Variants in GSTA3 observed in about 807,000 individuals in gnomAD.
The protein encoded by GSTA3 is glutathione S-transferase A3.
In GSTA3, 16 loss-of-function variants were observed where a neutral mutation model predicts 23.1. That is an observed-to-expected ratio of 0.69 (90% confidence interval 0.47 to 1.05). The LOEUF (loss-of-function observed/expected upper bound fraction) is 1.05. Among genes scored for constraint, GSTA3 ranks in the 50% least tolerant of loss-of-function variants. GSTA3 has a pLI of 0.00. For missense variants in GSTA3, 319 were observed against 263.6 expected, an observed-to-expected ratio of 1.21 and a Z score of -1.46; for synonymous variants, 122 against 91.0, an observed-to-expected ratio of 1.34 and a Z score of -1.94.
Position 52,900,090 on chromosome 6 carries a change from C to G in GSTA3, c.273-15G>C. On this transcript the variant is annotated splice_polypyrimidine_tract_variant and intron_variant, in intron 4 of 6. Transcript: ENST00000211122. ...ACATATCAATTCTGAAAGACAAAAA[C>G]AGCCAAAGCATCAAATGCCTCTTGC... 6.3e-7 allele frequency: 1 copy of G among 1,591,744 alleles called. No homozygotes were observed. Among genetic ancestry groups the G allele is most frequent in the Non-Finnish European group, 8.5e-7 (1 of 1,171,426 alleles).
chr6:52,901,674 T>G (rs934586975), intron 4 of GSTA3, among the ~76,000 whole-genome samples: 2 of 152,250 alleles, frequency 1.3e-5, no homozygotes, highest in Non-Finnish European at 2.9e-5. Context: ...CATTGGTAAC[T>G]CTACACTAAA....
intron 4 of GSTA3, among the ~76,000 whole-genome samples, chr6:52,901,430 A>G (rs555669375): frequency 6.6e-6 from 1 of 152,334 alleles, no homozygotes; most frequent in South Asian, 2.1e-4. Flanking sequence ...TTAAGGTTCA[A>G]CTTTCTTGTA....
chr6:52,896,774 C>A lies in GSTA3; in HGVS notation c.*32G>T. ...TGTTGCAAAACTTTAGAATATTGGT[C>A]TTGCATGTTCTTAGCCTCCATGGCT... On this transcript the variant is annotated 3_prime_UTR_variant, in exon 7 of 7. Coordinates refer to ENST00000211122, the MANE Select transcript of GSTA3 (RefSeq NM_000847.5). 6.2e-7 allele frequency: 1 copy of A among 1,611,880 alleles called. No individual in the cohort carries two copies. The highest frequency in any genetic ancestry group is 1.1e-5 in the South Asian group (1 of 90,836).
intron 2 of GSTA3, among the ~76,000 whole-genome samples, chr6:52,904,047 T>C (rs1183224793): frequency 7.1e-6 from 1 of 140,676 alleles, no homozygotes; most frequent in Non-Finnish European, 1.5e-5. Context: ...AGTACAGTGG[T>C]ATGATCATGG....
intron 2 of GSTA3, 78 bp from the exon 3 acceptor site, chr6:52,903,805 A>G (rs959727724): frequency 2.9e-5 from 23 of 787,904 alleles, no homozygotes; most frequent in Middle Eastern, 2.3e-4. Context: ...AATGGCCTCC[A>G]TCTGGTACAT....
intron 6 of GSTA3, among the ~76,000 whole-genome samples, 159 bp from the exon 7 acceptor site, chr6:52,897,087 A>G (rs553160044): frequency 5.9e-5 from 9 of 152,352 alleles, no homozygotes; most frequent in African/African-American, 2.2e-4. Flanking sequence ...AAATGAAGAT[A>G]AGAGGAAGAA....
At chr6:52,898,108 G>T in intron 5 of GSTA3, 152 bp from the exon 6 acceptor site, 1 of 862,152 alleles carries the variant, frequency 1.2e-6, no homozygotes, top group Non-Finnish European at 1.9e-6. Context: ...CCCTGATTGA[G>T]TGAGGGAGCA....
chr6:52,896,673 TTTAA>T lies in GSTA3; in HGVS notation c.*129_*132del, dbSNP rs1381828400. The T allele has an allele frequency of 6.9e-6, 7 of 1,014,544 alleles. No homozygotes were observed. The East Asian group carries it at 1.0e-4, about 15-fold the overall frequency. The allele number at this position is 1,014,544 out of a possible 1,614,324, so 62.8% of individuals were successfully genotyped here. A position where few individuals can be genotyped will look rare whatever the true frequency, so the allele number is the denominator to read the frequency against. On this transcript the variant is annotated 3_prime_UTR_variant, in exon 7 of 7. Transcript: ENST00000211122. ...AGTTAGCAAATAGGAGTTTTTATTA[TTTAA>T]TTAGCATATAATTGGAAAGGGTTCA...
At chr6:52,909,212 G>A (rs996477514) in intron 1 of GSTA3, among the ~76,000 whole-genome samples, 1 of 152,084 alleles carries the variant, frequency 6.6e-6, no homozygotes, top group African/African-American at 2.4e-5. Flanking sequence ...TCTTTTCATT[G>A]ATCAAGTGGT....
Position 52,904,461 on chromosome 6 carries a change from G to A in GSTA3, c.88-734C>T, listed in dbSNP as rs574404075. Among the ~76,000 whole-genome samples the A allele has an allele frequency of 2.0e-5, 3 of 152,272 alleles. No individual in the cohort carries two copies. The South Asian group carries it at 6.2e-4, about 32-fold the overall frequency. ...TGGAATGGAAGTGTGTGGATTTCTTGTGTGCTTATTTCCTCATAGGTTTGA... is the reference window on the plus strand; with the variant it reads ...TGGAATGGAAGTGTGTGGATTTCTTATGTGCTTATTTCCTCATAGGTTTGA... On this transcript the variant is annotated intron_variant, in intron 2 of 6. Coordinates refer to ENST00000211122, the MANE Select transcript of GSTA3 (RefSeq NM_000847.5).
At chr6:52,907,062 T>C (rs1013101606) in intron 1 of GSTA3, among the ~76,000 whole-genome samples, 2 of 149,760 alleles carry the variant, frequency 1.3e-5, no homozygotes, top group Admixed American at 6.7e-5. Context: ...GCAACCTACT[T>C]ATCTGACAAA....
intron 2 of GSTA3, among the ~76,000 whole-genome samples, chr6:52,905,418 A>G (rs1765857789): frequency 6.6e-6 from 1 of 152,088 alleles, no homozygotes; most frequent in Non-Finnish European, 1.5e-5. Context: ...CATTCAATCA[A>G]TATTCAGGTT....
At chr6:52,905,946 A>C in intron 1 of GSTA3, 91 bp from the exon 2 acceptor site, 1 of 589,500 alleles carries the variant, frequency 1.7e-6, no homozygotes, top group South Asian at 2.0e-5. Flanking sequence ...GAACAACAGG[A>C]GTGTCTTCCT....
chr6:52,903,699 T>C lies in GSTA3; in HGVS notation c.116A>G (p.Glu39Gly). The C allele has an allele frequency of 6.3e-7, 1 of 1,593,604 alleles. No homozygotes were observed. The highest frequency in any genetic ancestry group is 1.1e-5 in the South Asian group (1 of 90,516). ...ACCATTTCTTAACTTTCCCAAATCT[T>C]CTGCAGATCCTATAAATTTCTCTTC... is the stretch of plus-strand genomic sequence containing the variant. ...EFEEKFIGSA[E>G]DLGKLRNDGS... Residue 39 changes from glutamate to glycine, a missense_variant, in exon 3 of 7, where the codon GAA becomes GGA. By Grantham distance (98) the Glu-to-Gly change is moderately conservative. Transcript: ENST00000211122.
intron 3 of GSTA3, 148 bp from the exon 4 acceptor site, chr6:52,902,626 T>G: frequency 1.3e-6 from 1 of 775,196 alleles, no homozygotes; most frequent in Non-Finnish European, 2.0e-6. Context: ...TATTTTGATT[T>G]TAGCTGCCTG....
intron 1 of GSTA3, among the ~76,000 whole-genome samples, chr6:52,908,468 C>G (rs187708673): frequency 3.2e-4 from 48 of 152,204 alleles, no homozygotes; most frequent in Admixed American, 6.5e-4. Context: ...TGAAACATGG[C>G]CACATCACTG....
chr6:52,898,225 A>G (rs1664660848), intron 5 of GSTA3, among the ~76,000 whole-genome samples: 2 of 151,982 alleles, frequency 1.3e-5, no homozygotes, highest in African/African-American at 4.8e-5. Flanking sequence ...CATTTTCCAC[A>G]TGGGCCAGGG....
intron 4 of GSTA3, 58 bp from the exon 5 acceptor site, chr6:52,900,133 T>A: frequency 6.8e-7 from 1 of 1,476,974 alleles, no homozygotes; most frequent in South Asian, 1.3e-5. Context: ...TTTGTAGGTT[T>A]ATAAAAACCT....
chr6:52,906,244 A>G (rs1188124448), intron 1 of GSTA3, among the ~76,000 whole-genome samples: 3 of 152,200 alleles, frequency 2.0e-5, no homozygotes, highest in Admixed American at 2.0e-4. Flanking sequence ...GGATCTAGCT[A>G]GCCCTTCCTC....
Sources: allele counts gnomAD v4.1 joint callset (sites outside exome capture counted in the v4.1 genomes callset), GRCh38; gene constraint gnomAD v4.1.1; transcripts MANE v1.5; gene names NCBI Gene and HGNC (gene_info 2026-07-23, HGNC 2026-07-21).